Variants in TTLL5 observed in about 807,000 individuals in gnomAD.
TTLL5 encodes tubulin tyrosine ligase like 5.
TTLL5 carries 132 observed loss-of-function variants against 168.4 expected under a neutral mutation model. The ratio of observed to expected loss-of-function variants is 0.78; its 90% CI spans 0.68 to 0.91. TTLL5 has a LOEUF of 0.91. Among genes scored for constraint, TTLL5 ranks in the 40% least tolerant of loss-of-function variants. The pLI is 0.00. For synonymous variants in TTLL5, 546 were observed against 558.6 expected, an observed-to-expected ratio of 0.98 and a Z score of 0.32; for missense variants, 1,545 against 1,581.5, an observed-to-expected ratio of 0.98 and a Z score of 0.39.
At chr14:75,689,244 C>G (rs1885281263) in intron 5 of TTLL5, among the ~76,000 whole-genome samples, 1 of 152,180 alleles carries the variant, frequency 6.6e-6, no homozygotes, top group South Asian at 2.1e-4. Context: ...GGTTTTCCAT[C>G]CTCTCTTGAG....
chr14:75,902,630 G>A, intron 31 of TTLL5: 1 of 458,518 alleles, frequency 2.2e-6, no homozygotes. Context: ...TTGAGGGCTT[G>A]TTGAAGTTTA....
chr14:75,931,144 C>A (rs1443717672), intron 31 of TTLL5, among the ~76,000 whole-genome samples: 2 of 152,198 alleles, frequency 1.3e-5, no homozygotes, highest in Non-Finnish European at 2.9e-5. Context: ...AATTCTGGGG[C>A]ACCATACACA....
At chr14:75,851,741 C>T (rs1053339605) in intron 28 of TTLL5, among the ~76,000 whole-genome samples, 3 of 152,172 alleles carry the variant, frequency 2.0e-5, no homozygotes, top group Non-Finnish European at 2.9e-5. Context: ...GTGATTCTGG[C>T]GTCTTTTTTT....
intron 13 of TTLL5, among the ~76,000 whole-genome samples, chr14:75,732,792 A>G (rs1384743142): frequency 1.3e-5 from 2 of 152,198 alleles, no homozygotes; most frequent in Admixed American, 6.5e-5. Flanking sequence ...CACATACACT[A>G]TAAAGGTATA....
intron 18 of TTLL5, among the ~76,000 whole-genome samples, chr14:75,761,275 G>A (rs540787242): frequency 9.2e-5 from 14 of 152,118 alleles, no homozygotes; most frequent in South Asian, 6.2e-4. Context: ...ATAAATTGTC[G>A]TTGACAGTGT....
At chr14:75,826,682 A>G (rs1895162019) in intron 28 of TTLL5, among the ~76,000 whole-genome samples, 1 of 152,080 alleles carries the variant, frequency 6.6e-6, no homozygotes, top group Admixed American at 6.6e-5. Context: ...AAATTATAGG[A>G]GTTGTTTTAT....
intron 9 of TTLL5, chr14:75,709,827 TTAAAAAAAA>T (rs1886931846): frequency 4.1e-5 from 2 of 48,928 alleles, no homozygotes; most frequent in Non-Finnish European, 3.9e-5. Flanking sequence ...CCCCATCTCA[TTAAAAAAAA>T]AAAAAAAAAA....
chr14:75,865,045 G>A (rs76453329), intron 29 of TTLL5, among the ~76,000 whole-genome samples: 3,605 of 152,172 alleles, frequency 0.024, 141 homozygotes, highest in African/African-American at 0.082. Context: ...AATTGTAAGT[G>A]CCGGCATTTG....
chr14:75,928,332 A>T (rs1356827277), intron 31 of TTLL5, among the ~76,000 whole-genome samples: 1 of 47,310 alleles, frequency 2.1e-5, no homozygotes, highest in Non-Finnish European at 4.4e-5. Flanking sequence ...TGATGAATGA[A>T]TGACAAAAAC....
At chr14:75,714,441 G>T (rs562978583) in intron 9 of TTLL5, among the ~76,000 whole-genome samples, 1 of 152,176 alleles carries the variant, frequency 6.6e-6, no homozygotes, top group East Asian at 1.9e-4. Context: ...AATTATTGCT[G>T]TAATAGTTGC....
intron 27 of TTLL5, among the ~76,000 whole-genome samples, chr14:75,815,833 T>G (rs563839617): frequency 1.1e-4 from 17 of 152,350 alleles, no homozygotes; most frequent in Middle Eastern, 3.4e-3. Flanking sequence ...TCATAACCTC[T>G]CTGAGCCTTA....
chr14:75,845,480 C>G (rs1220071524), intron 28 of TTLL5, among the ~76,000 whole-genome samples: 1 of 151,904 alleles, frequency 6.6e-6, no homozygotes, highest in East Asian at 1.9e-4. Context: ...TTTGAAATGC[C>G]CTACAACTTG....
chr14:75,882,607 A>G (rs2031878534), intron 29 of TTLL5, 78 bp from the exon 30 acceptor site: 1 of 1,311,304 alleles, frequency 7.6e-7, no homozygotes, highest in Admixed American at 2.3e-5. Context: ...CCTTGACAGG[A>G]TTACAGACTA....
At chr14:75,900,212 G>T (rs1326502824) in intron 30 of TTLL5, among the ~76,000 whole-genome samples, 1 of 152,132 alleles carries the variant, frequency 6.6e-6, no homozygotes, top group African/African-American at 2.4e-5. Flanking sequence ...CCAAGGCCGA[G>T]GCTGATGGGA....
At chr14:75,795,876 G>A (rs986160324) in intron 27 of TTLL5, among the ~76,000 whole-genome samples, 7 of 152,122 alleles carry the variant, frequency 4.6e-5, no homozygotes, top group African/African-American at 1.7e-4. Context: ...ATTGCAAATT[G>A]TGTTGCTATA....
chr14:75,834,411 G>A (rs896337625), intron 28 of TTLL5, among the ~76,000 whole-genome samples: 3 of 152,176 alleles, frequency 2.0e-5, no homozygotes, highest in Non-Finnish European at 4.4e-5. Flanking sequence ...AGTGTGAAAT[G>A]AAGAAATCAA....
chr14:75,672,311 A>G (rs1883809502), intron 3 of TTLL5, among the ~76,000 whole-genome samples: 1 of 152,130 alleles, frequency 6.6e-6, no homozygotes, highest in African/African-American at 2.4e-5. Context: ...CAGTGGCACA[A>G]TCTCAGCTCA....
In TTLL5 at chr14:75,682,300, C is replaced by T. The variant is rs559494217; in HGVS notation, c.264+673C>T. The stretch of plus-strand genomic sequence containing the variant: ...AGGCAGGCCTTTGGAAGGAGAGAGA[C>T]CAGGACAAGCCCCAAGGATATAGGA... On this transcript the variant is annotated intron_variant, in intron 4 of 31. Transcript: ENST00000298832. Among the ~76,000 whole-genome samples, 8 of 152,000 alleles carry T rather than the reference C, an allele frequency of 5.3e-5. No individual in the cohort carries two copies. The East Asian group carries it at 1.5e-3, about 29-fold the overall frequency.
chr14:75,894,545 ACT>A (rs1371412536), intron 30 of TTLL5, among the ~76,000 whole-genome samples: 1 of 152,210 alleles, frequency 6.6e-6, no homozygotes, highest in Non-Finnish European at 1.5e-5. Context: ...ACAGAGCAAG[ACT>A]CTGTCTCAAA....
Sources: gnomAD v4.1 joint callset for allele counts (sites outside exome capture counted in the v4.1 genomes callset) on GRCh38, gnomAD v4.1.1 for gene constraint, MANE v1.5 for transcripts, NCBI Gene and HGNC (gene_info 2026-07-23, HGNC 2026-07-21) for gene names.